IQCM: variants seen among roughly 807,000 people sequenced by gnomAD.
IQCM encodes the protein IQ motif containing M, also known as IQ domain-containing protein M.
IQCM carries 45 observed loss-of-function variants against 57.6 expected under a neutral mutation model. The ratio of observed to expected loss-of-function variants is 0.78; its 90% CI spans 0.62 to 1.00. The LOEUF is 1.00. Among genes scored for constraint, IQCM ranks in the 50% least tolerant of loss-of-function variants. The pLI is 0.00. For missense variants in IQCM, 468 were observed against 511.6 expected (o/e 0.91, Z 0.82); for synonymous variants, 148 against 158.9 (o/e 0.93, Z 0.51).
intron 5 of IQCM, 25 bp from the exon 6 acceptor site, chr4:149,686,493 T>C: frequency 1.0e-6 from 1 of 997,976 alleles, no homozygotes; most frequent in Non-Finnish European, 1.3e-6. Flanking sequence ...AAGTTTTAAT[T>C]GCATACTATT....
intron 2 of IQCM, among the ~76,000 whole-genome samples, chr4:149,770,693 T>G (rs964009190): frequency 6.6e-6 from 1 of 152,130 alleles, no homozygotes; most frequent in East Asian, 1.9e-4. Flanking sequence ...CTCAGTAGAT[T>G]TAGGGAAAAA....
At chr4:149,696,296 T>A (rs184642657) in intron 5 of IQCM, among the ~76,000 whole-genome samples, 1 of 152,308 alleles carries the variant, frequency 6.6e-6, no homozygotes, top group East Asian at 1.9e-4. Context: ...TTTTCTTTTA[T>A]GAAAAGATTC....
chr4:149,520,526 G>T (rs554122050), intron 12 of IQCM, among the ~76,000 whole-genome samples: 1 of 152,116 alleles, frequency 6.6e-6, no homozygotes, highest in Non-Finnish European at 1.5e-5. Flanking sequence ...CAGAAAGCTA[G>T]CAGTGCTGAG....
At chr4:149,352,180 C>T in intron 13 of IQCM, 114 bp from the exon 14 acceptor site, 1 of 394,100 alleles carries the variant, frequency 2.5e-6, no homozygotes, top group Non-Finnish European at 4.5e-6. Flanking sequence ...TGTGTTAGAA[C>T]ATGCAAAAGA....
At chr4:149,484,887 T>A (rs1741303887) in intron 12 of IQCM, among the ~76,000 whole-genome samples, 1 of 152,126 alleles carries the variant, frequency 6.6e-6, no homozygotes, top group Admixed American at 6.6e-5. Context: ...TTGGTATTGA[T>A]GAAATCCCTC....
chr4:149,532,075 T>C (rs1374512826), intron 12 of IQCM, among the ~76,000 whole-genome samples: 3 of 152,088 alleles, frequency 2.0e-5, no homozygotes, highest in Admixed American at 6.6e-5. Flanking sequence ...CTTTCACTTT[T>C]GTTGGGTGAC....
chr4:149,527,612 C>G (rs763352355), intron 12 of IQCM, among the ~76,000 whole-genome samples: 2 of 152,120 alleles, frequency 1.3e-5, no homozygotes, highest in Non-Finnish European at 2.9e-5. Context: ...GTTAAAGCAG[C>G]CTGAGCGGAG....
intron 7 of IQCM, among the ~76,000 whole-genome samples, chr4:149,630,936 T>C (rs1757213118): frequency 6.6e-6 from 1 of 152,110 alleles, no homozygotes; most frequent in African/African-American, 2.4e-5. Flanking sequence ...CCTTAGAACT[T>C]AGCAGGTAAA....
chr4:149,713,357 G>A (rs1384056148), intron 5 of IQCM, among the ~76,000 whole-genome samples: 1 of 151,966 alleles, frequency 6.6e-6, no homozygotes, highest in East Asian at 1.9e-4. Context: ...CTCTTATTTT[G>A]TCATCTTGTT....
At chr4:149,530,875 A>C (rs545779718) in intron 12 of IQCM, among the ~76,000 whole-genome samples, 38 of 143,332 alleles carry the variant, frequency 2.7e-4, no homozygotes, top group African/African-American at 9.8e-4. Context: ...TAAAATCTCC[A>C]GGTAGAGAAA....
intron 5 of IQCM, among the ~76,000 whole-genome samples, chr4:149,711,999 T>G (rs1764596380): frequency 2.0e-5 from 3 of 152,214 alleles, no homozygotes; most frequent in Non-Finnish European, 4.4e-5. Flanking sequence ...AAATAATGTT[T>G]TGATTCATTA....
At chr4:149,781,214 T>G (rs956095670) in intron 2 of IQCM, among the ~76,000 whole-genome samples, 1 of 152,216 alleles carries the variant, frequency 6.6e-6, no homozygotes, top group African/African-American at 2.4e-5. Flanking sequence ...GTAATTGTCC[T>G]TATCCATTGT....
At chr4:149,478,820 T>C (rs1049890877) in intron 12 of IQCM, among the ~76,000 whole-genome samples, 2 of 152,048 alleles carry the variant, frequency 1.3e-5, no homozygotes, top group Admixed American at 1.3e-4. Flanking sequence ...TAGTTATAAT[T>C]AGGGGAAATT....
chr4:149,624,852 G>GT, intron 7 of IQCM, among the ~76,000 whole-genome samples: 1 of 152,168 alleles, frequency 6.6e-6, no homozygotes, highest in Admixed American at 6.5e-5. Flanking sequence ...AAATGAAAAT[G>GT]TATCTTTATT....
chr4:149,671,023 C>G (rs988441134), intron 7 of IQCM, among the ~76,000 whole-genome samples: 2 of 151,832 alleles, frequency 1.3e-5, no homozygotes, highest in African/African-American at 4.8e-5. Flanking sequence ...GGAGGATTCC[C>G]TCTTTTTCTG....
chr4:149,424,391 G>C (rs920217783), intron 13 of IQCM, among the ~76,000 whole-genome samples: 11 of 149,774 alleles, frequency 7.3e-5, no homozygotes, highest in African/African-American at 2.7e-4. Context: ...ATAAAGCTTA[G>C]TTTTAAATTG....
chr4:149,672,097 C>T (rs1761342743), intron 7 of IQCM, among the ~76,000 whole-genome samples: 1 of 152,118 alleles, frequency 6.6e-6, no homozygotes, highest in South Asian at 2.1e-4. Flanking sequence ...GAAAGGACAT[C>T]CACACCAAAA....
At chr4:149,396,254 G>A (rs1365876096) in intron 13 of IQCM, among the ~76,000 whole-genome samples, 2 of 151,254 alleles carry the variant, frequency 1.3e-5, no homozygotes, top group African/African-American at 4.8e-5. Context: ...ATAATCTTTA[G>A]GTAATTATTT....
At chr4:149,528,048 T>C (rs1171205181) in intron 12 of IQCM, among the ~76,000 whole-genome samples, 3 of 151,530 alleles carry the variant, frequency 2.0e-5, no homozygotes, top group Admixed American at 2.0e-4. Context: ...TGCAGTGGCA[T>C]GATCTTTGCT....
Sources: allele counts gnomAD v4.1 joint callset (sites outside exome capture counted in the v4.1 genomes callset), GRCh38; gene constraint gnomAD v4.1.1; transcripts MANE v1.5; gene names NCBI Gene and HGNC (gene_info 2026-07-23, HGNC 2026-07-21).